The following EIF4ENIF1 variants were observed in gnomAD, a reference collection of about 807,000 sequenced individuals.
The protein encoded by EIF4ENIF1 is eukaryotic translation initiation factor 4E nuclear import factor 1.
A neutral mutation model predicts 110.5 loss-of-function variants in EIF4ENIF1; 23 were observed. The observed-to-expected ratio is 0.21, with a 90% CI of 0.15 to 0.29. The LOEUF (loss-of-function observed/expected upper bound fraction) is 0.29. Among genes scored for constraint, EIF4ENIF1 ranks in the 10% least tolerant of loss-of-function variants. The pLI is 1.00. For synonymous variants in EIF4ENIF1, 440 were observed against 437.0 expected (o/e 1.01, Z -0.09); for missense variants, 1,031 against 1,221.1 (o/e 0.84, Z 2.32).
chr22:31,456,220 T>C (rs2050805931), intron 7 of EIF4ENIF1, among the ~76,000 whole-genome samples: 1 of 147,542 alleles, frequency 6.8e-6, no homozygotes, highest in Non-Finnish European at 1.5e-5. Context: ...TTATTTTTTA[T>C]TACTTTTTTT....
chr22:31,483,905 G>A (rs2051920242), intron 2 of EIF4ENIF1, among the ~76,000 whole-genome samples: 1 of 152,196 alleles, frequency 6.6e-6, no homozygotes, highest in Non-Finnish European at 1.5e-5. Flanking sequence ...GGTAACAGGT[G>A]CATATGATAA....
At chr22:31,456,089 C>A in intron 7 of EIF4ENIF1, 102 bp from the exon 8 acceptor site, 3 of 1,176,750 alleles carry the variant, frequency 2.5e-6, no homozygotes, top group Non-Finnish European at 3.6e-6. Flanking sequence ...TCCTTTCATG[C>A]TCGTGACCTG....
At chr22:31,443,167 G>A in intron 15 of EIF4ENIF1, 73 bp from the exon 16 acceptor site, 8 of 1,568,144 alleles carry the variant, frequency 5.1e-6, no homozygotes, top group South Asian at 3.5e-5. Flanking sequence ...GGATTAACTT[G>A]TCAAGATACT....
At chr22:31,440,146 T>C (rs1305777332) in intron 18 of EIF4ENIF1, 25 bp from the exon 19 acceptor site, 1 of 1,613,894 alleles carries the variant, frequency 6.2e-7, no homozygotes, top group African/African-American at 1.3e-5. Flanking sequence ...AGGGTTATCA[T>C]TCACAGCATG....
At chr22:31,481,190 T>C (rs2051802528) in intron 2 of EIF4ENIF1, among the ~76,000 whole-genome samples, 1 of 151,808 alleles carries the variant, frequency 6.6e-6, no homozygotes, top group Admixed American at 6.6e-5. Context: ...TGAGACAGAG[T>C]CTCACTCTGT....
chr22:31,486,270 CAAAAA>C (rs374138027), intron 2 of EIF4ENIF1, among the ~76,000 whole-genome samples: 2 of 146,692 alleles, frequency 1.4e-5, no homozygotes, highest in Non-Finnish European at 3.0e-5. Context: ...AACTCCGTCT[CAAAAA>C]AAAAAAAATA....
chr22:31,486,246 G>T (rs1043839977), intron 2 of EIF4ENIF1, among the ~76,000 whole-genome samples: 1 of 150,800 alleles, frequency 6.6e-6, no homozygotes, highest in South Asian at 2.1e-4. Flanking sequence ...CTCCAGCCTC[G>T]GCGACAAGAG....
chr22:31,490,919 G>C (rs138753528), upstream of EIF4ENIF1, among the ~76,000 whole-genome samples: 259 of 152,324 alleles, frequency 1.7e-3, 1 homozygote, highest in Middle Eastern at 6.8e-3. Context: ...TGTGAAATTA[G>C]GGTGTTGGGC....
intron 10 of EIF4ENIF1, chr22:31,450,773 TATATACACACAC>T (rs2050625789): frequency 8.4e-6 from 2 of 239,274 alleles, no homozygotes; most frequent in Non-Finnish European, 1.7e-5. Context: ...TATACATACA[TATATACACACAC>T]ATATACACAT....
chr22:31,487,793 CAAAAAAAAAAA>C (rs35367724), intron 2 of EIF4ENIF1, among the ~76,000 whole-genome samples: 8 of 69,014 alleles, frequency 1.2e-4, no homozygotes, highest in South Asian at 8.4e-4. Context: ...CTGTCGGGTG[CAAAAAAAAAAA>C]AAAAAAAAAG....
intron 2 of EIF4ENIF1, among the ~76,000 whole-genome samples, chr22:31,473,988 A>G (rs910194756): frequency 3.3e-5 from 5 of 151,992 alleles, no homozygotes; most frequent in African/African-American, 1.2e-4. Context: ...ATCATACTGT[A>G]AAGGCAAGTC....
chr22:31,451,440 AT>A lies in EIF4ENIF1; in HGVS notation c.1513-1081del, dbSNP rs746661815. 5.7e-3 allele frequency among the ~76,000 whole-genome samples: 814 copies of A among 141,588 alleles called. 1 individual carries two copies. The highest frequency in any genetic ancestry group is 0.017 in the African/African-American group (675 of 38,666). The allele number at this position is 141,588 out of a possible 152,430, so 92.9% of individuals were successfully genotyped here. A position where few individuals can be genotyped will look rare whatever the true frequency, so the allele number is the denominator to read the frequency against. ...AGGCACATGCCACCACGCCCAGCTA[AT>A]TTTTTTTTTTTTTCAGTAGAGACGG... is the stretch of plus-strand genomic sequence containing the variant. On this transcript the variant is annotated intron_variant, in intron 10 of 18. Transcript: ENST00000330125.
intron 10 of EIF4ENIF1, 78 bp from the exon 11 acceptor site, chr22:31,450,438 G>A: frequency 8.5e-7 from 1 of 1,173,332 alleles, no homozygotes; most frequent in East Asian, 2.4e-5. Flanking sequence ...CCACAAGAAA[G>A]CATAAAATAC....
Position 31,447,643 on chromosome 22 carries a change from G to C in EIF4ENIF1, c.1849-78C>G, listed in dbSNP as rs565640062. 1.1e-5 allele frequency: 16 copies of C among 1,482,950 alleles called. No individual in the cohort carries two copies. In the African/African-American group the frequency reaches 1.7e-4, roughly 16 times the overall value. 91.9% of individuals were successfully genotyped at this position (1,482,950 alleles called of 1,614,324 possible). A position where few individuals can be genotyped will look rare whatever the true frequency, so the allele number is the denominator to read the frequency against. On this transcript the variant is annotated intron_variant, in intron 13 of 18. Transcript: ENST00000330125. ...CTACAAAGGTTTCTCTTCACTCTTA[G>C]AAAGGTATGTTAAGCAGAAGCTGAA...
In EIF4ENIF1 at chr22:31,477,370, AAAAACAAAAAAAAC is replaced by A. The variant is rs1019773546; in HGVS notation, c.97-5467_97-5454del. 1.1e-4 allele frequency among the ~76,000 whole-genome samples: 9 copies of A among 84,404 alleles called. No homozygotes were observed. The South Asian group carries it at 1.3e-3, about 12-fold the overall frequency. 55.4% of individuals were successfully genotyped at this position (84,404 alleles called of 152,430 possible). A position where few individuals can be genotyped will look rare whatever the true frequency, so the allele number is the denominator to read the frequency against. ...GACCTCTGTCTCCAAAAAAAAAAAA[AAAAACAAAAAAAAC>A]AAAAAAAGAGAATTTGAAATTGAGA... On this transcript the variant is annotated intron_variant, in intron 2 of 18. Transcript: ENST00000330125.
chr22:31,463,676 CA>C lies in EIF4ENIF1; in HGVS notation c.585+4del. The C allele has an allele frequency of 8.0e-7, 1 of 1,254,894 alleles. No individual in the cohort carries two copies. The highest frequency in any genetic ancestry group is 1.5e-5 in the South Asian group (1 of 64,842). 77.7% of individuals were successfully genotyped at this position (1,254,894 alleles called of 1,614,324 possible). On this transcript the variant is annotated splice_donor_region_variant and intron_variant, in intron 5 of 18. Coordinates refer to ENST00000330125, the MANE Select transcript of EIF4ENIF1 (RefSeq NM_019843.4). ...TAAAAAAAAAAAAAAAAAAAAAAGACAAACCCTGAAACGCTTGTCCTTGAAG... is the reference window on the plus strand; with the variant it reads ...TAAAAAAAAAAAAAAAAAAAAAAGACAACCCTGAAACGCTTGTCCTTGAAG...
intron 6 of EIF4ENIF1, among the ~76,000 whole-genome samples, chr22:31,459,845 C>CA (rs948177990): frequency 2.6e-5 from 4 of 152,266 alleles, no homozygotes; most frequent in African/African-American, 9.6e-5. Flanking sequence ...GATTCTACTC[C>CA]AGGCTCTGCC....
At chr22:31,461,469 CA>C (rs1406691211) in intron 6 of EIF4ENIF1, among the ~76,000 whole-genome samples, 1 of 152,110 alleles carries the variant, frequency 6.6e-6, no homozygotes, top group Non-Finnish European at 1.5e-5. Flanking sequence ...GACAGAGTCT[CA>C]ACTCTGTCTC....
chr22:31,492,424 A>G (rs2052293506), upstream of EIF4ENIF1, among the ~76,000 whole-genome samples: 1 of 152,200 alleles, frequency 6.6e-6, no homozygotes, highest in African/African-American at 2.4e-5. Context: ...CATTGTAGCT[A>G]TCATGATTTG....
Sources: allele counts gnomAD v4.1 joint callset (sites outside exome capture counted in the v4.1 genomes callset), GRCh38; gene constraint gnomAD v4.1.1; transcripts MANE v1.5; gene names NCBI Gene and HGNC (gene_info 2026-07-23, HGNC 2026-07-21).